The following TBCA variants were observed in gnomAD, a reference collection of about 807,000 sequenced individuals.
The protein encoded by TBCA is tubulin-specific chaperone A.
Under a neutral mutation model 15.8 loss-of-function variants are expected in TBCA, and 6 were observed. The observed-to-expected ratio is 0.38, with a 90% CI of 0.21 to 0.75. TBCA has a LOEUF of 0.75. Among genes scored for constraint, TBCA ranks in the 30% least tolerant of loss-of-function variants. The pLI is 0.46. For missense variants in TBCA, 90 were observed against 131.2 expected (o/e 0.69, Z 1.53); for synonymous variants, 32 against 42.3 (o/e 0.76, Z 0.94).
At chr5:77,757,699 G>A (rs1747508836) in intron 1 of TBCA, among the ~76,000 whole-genome samples, 1 of 152,158 alleles carries the variant, frequency 6.6e-6, no homozygotes, top group African/African-American at 2.4e-5. Flanking sequence ...TCCCTCCCGT[G>A]GTTACCAAAC....
intron 1 of TBCA, among the ~76,000 whole-genome samples, chr5:77,710,658 T>C (rs1746258518): frequency 6.6e-6 from 1 of 152,230 alleles, no homozygotes; most frequent in Non-Finnish European, 1.5e-5. Flanking sequence ...CACTACTGGC[T>C]GGAGCTAAGT....
At chr5:77,694,135 C>T (rs757406429) in intron 2 of TBCA, 4 of 152,082 alleles carry the variant, frequency 2.6e-5, no homozygotes, top group Admixed American at 1.3e-4. Context: ...TTGATCACAT[C>T]GTGTGCACAC....
At chr5:77,693,424 G>T in intron 2 of TBCA, 72 bp from the exon 3 acceptor site, 1 of 1,505,338 alleles carries the variant, frequency 6.6e-7, no homozygotes, top group African/African-American at 1.4e-5. Context: ...ATCTTGGTAA[G>T]TATATCCTTA....
intron 1 of TBCA, among the ~76,000 whole-genome samples, chr5:77,751,159 C>T (rs376129359): frequency 2.4e-4 from 20 of 81,948 alleles, no homozygotes; most frequent in African/African-American, 8.2e-4. Context: ...TTCTTTCTTT[C>T]TTTTTTTTTT....
intron 2 of TBCA, among the ~76,000 whole-genome samples, chr5:77,698,819 C>T (rs1044969213): frequency 6.6e-6 from 1 of 151,836 alleles, no homozygotes; most frequent in Non-Finnish European, 1.5e-5. Flanking sequence ...ATTCATTGTA[C>T]GTATGCAAGG....
rs147473256 is a variant in TBCA, at chr5:77,772,799, T to A, written c.53+3406A>T. ...AATAGTAAACTATCACCAAGTTTCA[T>A]AAAATGATAAATTTATTTCTAAGCA... On this transcript the variant is annotated intron_variant, in intron 1 of 3. Coordinates refer to ENST00000380377, the MANE Select transcript of TBCA (RefSeq NM_004607.3). Among the ~76,000 whole-genome samples the A allele has an allele frequency of 7.8e-3, 1,192 of 152,312 alleles. 8 individuals are homozygous for A. The highest frequency in any genetic ancestry group is 0.012 in the Non-Finnish European group (841 of 68,016).
At chr5:77,718,406 A>C (rs967309126) in intron 1 of TBCA, among the ~76,000 whole-genome samples, 1 of 152,222 alleles carries the variant, frequency 6.6e-6, no homozygotes, top group Non-Finnish European at 1.5e-5. Context: ...ATATGGCACC[A>C]GGAAGTGTAT....
intron 1 of TBCA, among the ~76,000 whole-genome samples, chr5:77,739,228 A>T (rs1746977746): frequency 6.6e-6 from 1 of 152,104 alleles, no homozygotes. Flanking sequence ...TGGGAGGCTG[A>T]GGCAGGCGGA....
At chr5:77,761,027 GC>G (rs1158917562) in intron 1 of TBCA, among the ~76,000 whole-genome samples, 6 of 151,778 alleles carry the variant, frequency 4.0e-5, no homozygotes, top group African/African-American at 1.5e-4. Context: ...GAGCACCTCT[GC>G]CCGGCTGCCG....
intron 3 of TBCA, chr5:77,692,004 C>A: frequency 2.0e-6 from 2 of 985,376 alleles, no homozygotes; most frequent in Non-Finnish European, 2.4e-6. Context: ...GTATTACATA[C>A]CCTACACTAA....
chr5:77,725,208 C>T (rs1465640387), intron 1 of TBCA, among the ~76,000 whole-genome samples: 1 of 152,222 alleles, frequency 6.6e-6, no homozygotes, highest in African/African-American at 2.4e-5. Flanking sequence ...GCTGCATGCT[C>T]ATTAGCTGCG....
At chr5:77,710,763 G>A (rs1258853794) in intron 1 of TBCA, among the ~76,000 whole-genome samples, 1 of 152,086 alleles carries the variant, frequency 6.6e-6, no homozygotes, top group Non-Finnish European at 1.5e-5. Context: ...ATTACACTTG[G>A]CCTTTGCACG....
chr5:77,721,788 C>A (rs1005272098), intron 1 of TBCA, among the ~76,000 whole-genome samples: 8 of 151,956 alleles, frequency 5.3e-5, no homozygotes, highest in African/African-American at 1.7e-4. Flanking sequence ...TTATTTATAG[C>A]CTGTAGTTTA....
At chr5:77,760,109 A>C (rs1431164661) in intron 1 of TBCA, among the ~76,000 whole-genome samples, 1 of 152,122 alleles carries the variant, frequency 6.6e-6, no homozygotes, top group African/African-American at 2.4e-5. Flanking sequence ...TTGAGAGAAG[A>C]GGGGAGGGTT....
chr5:77,704,629 A>G (rs1435107222), intron 2 of TBCA, among the ~76,000 whole-genome samples: 1 of 152,190 alleles, frequency 6.6e-6, no homozygotes, highest in African/African-American at 2.4e-5. Context: ...GTCCCAGGCA[A>G]TCACAAACAG....
At chr5:77,727,279 C>T (rs1419628778) in intron 1 of TBCA, among the ~76,000 whole-genome samples, 1 of 149,670 alleles carries the variant, frequency 6.7e-6, no homozygotes, top group African/African-American at 2.5e-5. Flanking sequence ...GCTGGAGGAG[C>T]CACTTTAAGT....
chr5:77,742,447 C>G (rs1747063970), intron 1 of TBCA, among the ~76,000 whole-genome samples: 1 of 152,108 alleles, frequency 6.6e-6, no homozygotes, highest in Non-Finnish European at 1.5e-5. Flanking sequence ...AACTTTTATT[C>G]TACTAACTGA....
chr5:77,711,239 T>C (rs1746272005), intron 1 of TBCA, among the ~76,000 whole-genome samples: 1 of 152,214 alleles, frequency 6.6e-6, no homozygotes, highest in Non-Finnish European at 1.5e-5. Context: ...ATGTATCATG[T>C]ATGGCTGTTT....
At chr5:77,700,268 GACAA>G (rs922719190) in intron 2 of TBCA, among the ~76,000 whole-genome samples, 8 of 151,988 alleles carry the variant, frequency 5.3e-5, no homozygotes, top group Non-Finnish European at 8.8e-5. Context: ...AGGATAAGAA[GACAA>G]ACTACAGACA....
Sources: gnomAD v4.1 joint callset for allele counts (sites outside exome capture counted in the v4.1 genomes callset) on GRCh38, gnomAD v4.1.1 for gene constraint, MANE v1.5 for transcripts, NCBI Gene and HGNC (gene_info 2026-07-23, HGNC 2026-07-21) for gene names.